Variants in DAB1 observed in about 807,000 individuals in gnomAD.
The protein encoded by DAB1 is disabled homolog 1.
A neutral mutation model predicts 64.6 loss-of-function variants in DAB1; 15 were observed. The observed-to-expected ratio is 0.23, with a 90% CI of 0.16 to 0.36. The LOEUF (loss-of-function observed/expected upper bound fraction) is 0.36, where lower values mean the gene tolerates loss of function less well. Ranked by LOEUF, DAB1 falls within the 10% of genes least tolerant of loss-of-function variation. The pLI is 1.00. For missense variants in DAB1, 596 were observed against 706.7 expected (o/e 0.84, Z 1.78); for synonymous variants, 235 against 251.9 (o/e 0.93, Z 0.64).
chr1:58,160,603 C>G (rs143372408), intron 4 of DAB1, among the ~76,000 whole-genome samples: 16 of 152,286 alleles, frequency 1.1e-4, no homozygotes, highest in Middle Eastern at 6.8e-3. Context: ...CGATCTCAAA[C>G]TACATCACTG....
intron 2 of DAB1, among the ~76,000 whole-genome samples, chr1:57,209,329 C>T (rs1665827770): frequency 6.6e-6 from 1 of 152,188 alleles, no homozygotes; most frequent in South Asian, 2.1e-4. Context: ...TTTAAACACA[C>T]TGATTTTTCT....
chr1:57,259,660 C>T (rs1670034446), intron 2 of DAB1, among the ~76,000 whole-genome samples: 1 of 152,138 alleles, frequency 6.6e-6, no homozygotes, highest in South Asian at 2.1e-4. Flanking sequence ...GAAGGGAGCA[C>T]AATTTGTAAT....
At chr1:57,184,433 C>T (rs1346404004) in intron 2 of DAB1, among the ~76,000 whole-genome samples, 1 of 152,194 alleles carries the variant, frequency 6.6e-6, no homozygotes, top group East Asian at 1.9e-4. Flanking sequence ...CATACCTGAT[C>T]ATGCTACTCC....
intron 2 of DAB1, among the ~76,000 whole-genome samples, chr1:57,198,640 T>TTC (rs139550960): frequency 0.076 from 9,947 of 130,750 alleles, 473 homozygotes; most frequent in Middle Eastern, 0.15. Context: ...TCCCTGCATC[T>TTC]TCTCTCTCTC....
intron 3 of DAB1, among the ~76,000 whole-genome samples, chr1:58,488,658 G>A (rs1645618941): frequency 6.6e-6 from 1 of 152,098 alleles, no homozygotes; most frequent in African/African-American, 2.4e-5. Flanking sequence ...CTCCATGTTG[G>A]TCAGGCTGGT....
chr1:57,559,679 C>T (rs1645029441), intron 7 of DAB1, among the ~76,000 whole-genome samples: 1 of 152,120 alleles, frequency 6.6e-6, no homozygotes, highest in Non-Finnish European at 1.5e-5. Flanking sequence ...ATCCTGTAGT[C>T]ATTTCTCCAG....
intron 3 of DAB1, among the ~76,000 whole-genome samples, chr1:58,499,435 T>C (rs1009626979): frequency 6.6e-6 from 1 of 150,868 alleles, no homozygotes; most frequent in Non-Finnish European, 1.5e-5. Flanking sequence ...CAGTGAACTA[T>C]GATTCCACCA....
chr1:57,518,047 G>A (rs1644483169), intron 7 of DAB1, among the ~76,000 whole-genome samples: 1 of 152,108 alleles, frequency 6.6e-6, no homozygotes, highest in Admixed American at 6.5e-5. Context: ...TTCTTATATT[G>A]AGCACAAGAA....
chr1:58,168,212 G>A (rs1655967941), intron 4 of DAB1, among the ~76,000 whole-genome samples: 1 of 152,174 alleles, frequency 6.6e-6, no homozygotes, highest in Admixed American at 6.5e-5. Flanking sequence ...CAGCTCTTCA[G>A]AGTTGGGAGC....
intron 1 of DAB1, among the ~76,000 whole-genome samples, chr1:57,305,871 A>AGGCAGGAGAAT (rs1219294158): frequency 1.3e-5 from 2 of 149,520 alleles, no homozygotes; most frequent in Non-Finnish European, 3.0e-5. Context: ...CAGGAGGCTG[A>AGGCAGGAGAAT]GGCAGGAGAA....
intron 1 of DAB1, among the ~76,000 whole-genome samples, chr1:57,306,227 C>A (rs12566162): frequency 0.16 from 24,248 of 152,056 alleles, 3,253 homozygotes; most frequent in African/African-American, 0.37. Context: ...AAATATCACA[C>A]TGTTTCCATA....
chr1:57,133,183 G>T (rs1570751809), intron 4 of DAB1, among the ~76,000 whole-genome samples: 1 of 152,166 alleles, frequency 6.6e-6, no homozygotes, highest in South Asian at 2.1e-4. Flanking sequence ...TGGCAACAAG[G>T]ATGTTGCGAC....
chr1:58,501,504 G>A (rs1002892368), intron 3 of DAB1, among the ~76,000 whole-genome samples: 3 of 152,018 alleles, frequency 2.0e-5, no homozygotes, highest in South Asian at 2.1e-4. Flanking sequence ...TAAGGCCCAC[G>A]CCCTCCCCCT....
intron 7 of DAB1, among the ~76,000 whole-genome samples, chr1:57,453,158 T>C (rs1686453998): frequency 2.0e-5 from 3 of 151,678 alleles, no homozygotes; most frequent in South Asian, 2.1e-4. Flanking sequence ...GAGATGAAAG[T>C]TATGTCTGTG....
intron 9 of DAB1, chr1:57,033,470 A>T (rs1647029091): frequency 1.2e-6 from 2 of 1,612,630 alleles, no homozygotes; most frequent in African/African-American, 1.3e-5. Flanking sequence ...GCATGAAATG[A>T]ATGATGAGAA....
intron 4 of DAB1, among the ~76,000 whole-genome samples, chr1:58,174,345 G>T (rs1388040207): frequency 3.9e-5 from 6 of 152,054 alleles, no homozygotes; most frequent in Admixed American, 1.3e-4. Context: ...TAACCTCCTT[G>T]CCAAATTTGT....
intron 3 of DAB1, among the ~76,000 whole-genome samples, chr1:58,426,456 G>T (rs1037986550): frequency 6.6e-6 from 1 of 152,208 alleles, no homozygotes; most frequent in African/African-American, 2.4e-5. Context: ...GTAGGAACCA[G>T]GTATTGGCTC....
chr1:57,866,551 A>G lies in DAB1; in HGVS notation n.87+17448T>C, dbSNP rs575326604. On this transcript the variant is annotated intron_variant and non_coding_transcript_variant, in intron 1 of 1. Transcript: ENST00000477280. ...TTAGTGAAGAGTACAATTCTAGAGC[A>G]GGACTGAGGGTCTCAGCATAGTGTT... is the stretch of plus-strand genomic sequence containing the variant. 5.3e-5 allele frequency among the ~76,000 whole-genome samples: 8 copies of G among 152,304 alleles called. No homozygotes were observed. In the East Asian group the frequency reaches 1.5e-3, roughly 29 times the overall value.
At chr1:57,567,027 A>G (rs1645131270) in intron 7 of DAB1, among the ~76,000 whole-genome samples, 1 of 152,256 alleles carries the variant, frequency 6.6e-6, no homozygotes, top group Non-Finnish European at 1.5e-5. Flanking sequence ...AAAATCCTCA[A>G]TAAAATACTG....
Sources: allele counts gnomAD v4.1 joint callset (sites outside exome capture counted in the v4.1 genomes callset), GRCh38; gene constraint gnomAD v4.1.1; transcripts MANE v1.5; gene names NCBI Gene and HGNC (gene_info 2026-07-23, HGNC 2026-07-21).